Variants in ALDH9A1 observed in about 807,000 individuals in gnomAD.
ALDH9A1 encodes the protein 4-trimethylaminobutyraldehyde dehydrogenase.
In ALDH9A1, 42 loss-of-function variants were observed where a neutral mutation model predicts 56.6. The ratio of observed to expected loss-of-function variants is 0.74; its 90% CI spans 0.58 to 0.96. The LOEUF (loss-of-function observed/expected upper bound fraction) is 0.96, where lower values mean the gene tolerates loss of function less well. Ranked by LOEUF, ALDH9A1 falls within the 40% of genes least tolerant of loss-of-function variation. The probability of loss-of-function intolerance (pLI) is 0.00; values close to 1 mark genes in which losing one functional copy is unlikely to be tolerated. For synonymous variants in ALDH9A1, 242 were observed against 236.0 expected (o/e 1.03, Z -0.23); for missense variants, 661 against 651.5 (o/e 1.01, Z -0.16).
In ALDH9A1 at chr1:165,695,320, T is replaced by A; in HGVS notation, c.259A>T (p.Lys87Ter). 5 of 1,613,384 alleles carry A rather than the reference T, an allele frequency of 3.1e-6. No homozygotes were observed. The highest frequency in any genetic ancestry group is 4.2e-6 in the Non-Finnish European group (5 of 1,179,654). Residue 87 changes from lysine (K) to a stop codon, truncating the protein, a stop_gained, in exon 2 of 11, where the codon AAA becomes TAA. Coordinates refer to ENST00000354775, the MANE Select transcript of ALDH9A1 (RefSeq NM_000696.4). LOFTEE classifies it high-confidence loss of function. ...LAVQNAKAAF[K>*]IWSQKSGMER... ...ATGCCAGATTTTTGACTCCATATTT[T>A]AAAAGCAGCCTTTGCATTTTGAACA... is the stretch of plus-strand genomic sequence containing the variant.
rs1143660 is a variant in ALDH9A1 at position 165,679,473 on chromosome 1, G to C, written c.899C>G (p.Ala300Gly). The C allele has an allele frequency of 1.2e-6, 2 of 1,613,948 alleles. No homozygotes were observed. Among genetic ancestry groups the C allele is most frequent in the Non-Finnish European group, 1.7e-6 (2 of 1,179,998 alleles). Residue 300 changes from alanine to glycine, a missense_variant, in exon 6 of 11, where the codon GCG becomes GGG. Transcript: ENST00000354775. ...TTGTGTGAGGAAGTTGGCCATCAGC[G>C]CCCCCTTTACAGCATTGTTCATATC... ...DCDMNNAVKG[A>G]LMANFLTQGQ...
Position 165,682,189 on chromosome 1 carries a change from T to C in ALDH9A1, c.510A>G (p.Pro170=), listed in dbSNP as rs893169407. ...CTCCTATTCCCACACATACCCCAAG[T>C]GGTTCTCTTCTGGTATAACCAAACG... ...GGSFGYTRRE[P]LGVCVGIGAW... Residue 170 remains proline, a synonymous_variant, in exon 4 of 11, where the codon CCA becomes CCG. Transcript: ENST00000354775. 6.2e-7 allele frequency: 1 copy of C among 1,613,834 alleles called. No homozygotes were observed. Among genetic ancestry groups the C allele is most frequent in the African/African-American group, 1.3e-5 (1 of 74,910 alleles).
rs944751486 is a variant in ALDH9A1, at chr1:165,668,969, A to G, written c.1164T>C (p.Asp388=). The G allele has an allele frequency of 6.2e-7, 1 of 1,612,050 alleles. No individual in the cohort carries two copies. The highest frequency in any genetic ancestry group is 1.3e-5 in the African/African-American group (1 of 74,988). ...TGTAATATCCATCCTTTAATTTGGG[A>G]TCTTCAGGTACATATATATCTCCAC... The part of the protein sequence containing the change: ...LCGGDIYVPE[D]PKLKDGYYMR... Residue 388 remains aspartate, a synonymous_variant, in exon 8 of 11, where the codon GAT becomes GAC. Transcript: ENST00000354775.
At chr1:165,684,489 C>T (rs2101750316) in intron 2 of ALDH9A1, among the ~76,000 whole-genome samples, 1 of 152,196 alleles carries the variant, frequency 6.6e-6, no homozygotes. Flanking sequence ...AAGAGGGTAC[C>T]CTAAGAGGAA....
intron 3 of ALDH9A1, 95 bp from the exon 4 acceptor site, chr1:165,682,336 C>T: frequency 2.2e-6 from 3 of 1,356,516 alleles, no homozygotes; most frequent in Admixed American, 2.1e-5. Flanking sequence ...CCAGTCAACG[C>T]AGCCTCCCCA....
At chr1:165,689,085 A>G (rs1262928511) in intron 2 of ALDH9A1, among the ~76,000 whole-genome samples, 3 of 152,180 alleles carry the variant, frequency 2.0e-5, no homozygotes, top group African/African-American at 7.2e-5. Context: ...CAGCCCTACA[A>G]TGCTGCTCAT....
In ALDH9A1 at chr1:165,682,027, G is replaced by C. The variant is rs1211186427; in HGVS notation, c.592+80C>G. On this transcript the variant is annotated intron_variant, in intron 4 of 10. Transcript: ENST00000354775. ...GATTTAAAGTGTGTGTTTATAGAGA[G>C]GTGAAAGGTAGAGAATGGGGAGAGA... 10 of 1,547,822 alleles carry C rather than the reference G, an allele frequency of 6.5e-6. No individual in the cohort carries two copies. The East Asian group carries it at 2.0e-4, about 31-fold the overall frequency.
chr1:165,684,064 A>G (rs1649635463), intron 2 of ALDH9A1, among the ~76,000 whole-genome samples: 1 of 152,228 alleles, frequency 6.6e-6, no homozygotes, highest in African/African-American at 2.4e-5. Context: ...TAACTCAAGC[A>G]TCTATCCACA....
At chr1:165,663,677 G>C (rs1289735612) in intron 10 of ALDH9A1, among the ~76,000 whole-genome samples, 2 of 152,160 alleles carry the variant, frequency 1.3e-5, no homozygotes, top group East Asian at 3.9e-4. Context: ...TGCTAAAAGG[G>C]TAGTATCCCA....
At chr1:165,679,646 T>G (rs548196133) in intron 5 of ALDH9A1, 64 bp from the exon 6 acceptor site, 1 of 1,556,672 alleles carries the variant, frequency 6.4e-7, no homozygotes, top group Admixed American at 1.7e-5. Flanking sequence ...CTAAGTCAAC[T>G]AGGCCCTGAA....
At chr1:165,664,965 T>C in intron 10 of ALDH9A1, 53 bp downstream of exon 10, 1 of 1,411,090 alleles carries the variant, frequency 7.1e-7, no homozygotes. Flanking sequence ...AAGGTCTGAA[T>C]TACGACCTAG....
Position 165,679,433 on chromosome 1 carries a change from G to A in ALDH9A1, c.930+9C>T, listed in dbSNP as rs767583540. The A allele has an allele frequency of 1.2e-6, 2 of 1,614,026 alleles. No individual in the cohort carries two copies. Among genetic ancestry groups the A allele is most frequent in the East Asian group, 2.2e-5 (1 of 44,878 alleles). On this transcript the variant is annotated intron_variant, in intron 6 of 10. Transcript: ENST00000354775. ...TCCTTTTACACCTCTTCCAGGGACA[G>A]GTACATACCTGGCCTTGTGTGAGGA...
rs922178506 is a variant in ALDH9A1 at position 165,662,575 on chromosome 1, T to G, written c.*475A>C. ...GAACAAGGTTTTTTTTTGTTTTTTG[T>G]TTTTTTTCTTCAAGACTAGGCAAGT... On this transcript the variant is annotated 3_prime_UTR_variant, in exon 11 of 11. Transcript: ENST00000354775. 4 of 153,268 alleles carry G rather than the reference T, an allele frequency of 2.6e-5. No homozygotes were observed. The highest frequency in any genetic ancestry group is 7.3e-5 in the African/African-American group (3 of 41,366). 9.5% of individuals were successfully genotyped at this position (153,268 alleles called of 1,614,324 possible). A position where few individuals can be genotyped will look rare whatever the true frequency, so the allele number is the denominator to read the frequency against.
At position 165,663,033 on chromosome 1, in the gene ALDH9A1, G is replaced by T. The variant is rs1648892371; in HGVS notation, c.*17C>A. On this transcript the variant is annotated 3_prime_UTR_variant, in exon 11 of 11. Coordinates refer to ENST00000354775, the MANE Select transcript of ALDH9A1 (RefSeq NM_000696.4). ...ATTCCACAGCGTGGCCATGTCAATA[G>T]GTTTCACTGCAGGTTTTCAAAAAGC... The T allele has an allele frequency of 6.2e-6, 10 of 1,608,812 alleles. No homozygotes were observed. In the East Asian group the frequency reaches 2.2e-4, roughly 36 times the overall value.
rs765093858 is a variant in ALDH9A1 at position 165,695,374 on chromosome 1, A to G, written c.205T>C (p.Cys69Arg). Residue 69 changes from cysteine to arginine, a missense_variant, in exon 2 of 11, where the codon TGT (cysteine) becomes CGT (arginine). Transcript: ENST00000354775. The part of the protein sequence containing the change: ...ATGRVIATFT[C>R]SGEKEVNLAV... ...AAATTTACTTCCTTTTCTCCTGAAC[A>G]TGTGAAAGTAGCTATCACTCGGCCT... 8.7e-6 allele frequency: 14 copies of G among 1,611,104 alleles called. No homozygotes were observed. The highest frequency in any genetic ancestry group is 5.0e-5 in the Admixed American group (3 of 59,470).
At position 165,682,963 on chromosome 1, in the gene ALDH9A1, C is replaced by T. The variant is rs750528080; in HGVS notation, c.457+18G>A. 1.9e-5 allele frequency: 31 copies of T among 1,612,078 alleles called. No individual in the cohort carries two copies. Among genetic ancestry groups the T allele is most frequent in the Non-Finnish European group, 2.5e-5 (30 of 1,178,708 alleles). The stretch of plus-strand genomic sequence containing the variant: ...TGCCTCATTATCAGCTGGTCACAGA[C>T]ACCAGGTGAGGACTTACCAGCCATG... On this transcript the variant is annotated intron_variant, in intron 3 of 10. Transcript: ENST00000354775.
intron 2 of ALDH9A1, among the ~76,000 whole-genome samples, chr1:165,693,354 TAAAC>T (rs1649956789): frequency 6.6e-6 from 1 of 152,060 alleles, no homozygotes; most frequent in South Asian, 2.1e-4. Context: ...ACAATGAACT[TAAAC>T]AAATTTACAA....
intron 8 of ALDH9A1, among the ~76,000 whole-genome samples, chr1:165,667,816 A>G (rs1199403080): frequency 6.6e-6 from 1 of 152,184 alleles, no homozygotes; most frequent in Non-Finnish European, 1.5e-5. Context: ...AAAAACTGAC[A>G]CCACTATTAA....
chr1:165,697,775 T>C (rs781647763), intron 1 of ALDH9A1, among the ~76,000 whole-genome samples: 2 of 152,146 alleles, frequency 1.3e-5, no homozygotes, highest in Non-Finnish European at 2.9e-5. Context: ...ACGGCTGTAA[T>C]CCCAGCACTT....
Sources: gnomAD v4.1 joint callset for allele counts (sites outside exome capture counted in the v4.1 genomes callset) on GRCh38, gnomAD v4.1.1 for gene constraint, MANE v1.5 for transcripts, NCBI Gene and HGNC (gene_info 2026-07-23, HGNC 2026-07-21) for gene names.